TOPBP1: variants seen among roughly 807,000 people sequenced by gnomAD.
TOPBP1 encodes DNA topoisomerase II binding protein 1.
In TOPBP1, 28 loss-of-function variants were observed where a neutral mutation model predicts 167.7. The ratio of observed to expected loss-of-function variants is 0.17; its 90% CI spans 0.12 to 0.23. The LOEUF is 0.23. Ranked by LOEUF, TOPBP1 falls within the 10% of genes least tolerant of loss-of-function variation. TOPBP1 has a pLI of 1.00. For synonymous variants in TOPBP1, 598 were observed against 611.4 expected, an observed-to-expected ratio of 0.98 and a Z score of 0.32; for missense variants, 1,554 against 1,809.6, an observed-to-expected ratio of 0.86 and a Z score of 2.56.
chr3:133,647,407 A>G (rs573382837), intron 10 of TOPBP1, among the ~76,000 whole-genome samples: 73 of 152,360 alleles, frequency 4.8e-4, no homozygotes, highest in African/African-American at 1.4e-3. Flanking sequence ...CAAGTTTCTT[A>G]GAATTCCTAG....
Position 133,649,584 on chromosome 3 carries a change from A to T in TOPBP1, c.1303T>A (p.Tyr435Asn). 6.2e-7 allele frequency: 1 copy of T among 1,613,874 alleles called. No homozygotes were observed. The highest frequency in any genetic ancestry group is 1.1e-5 in the South Asian group (1 of 91,082). Residue 435 changes from tyrosine to asparagine, a missense_variant, in exon 10 of 28, where the codon TAT (tyrosine) becomes AAT (asparagine). By Grantham distance (143) the Tyr-to-Asn change is moderately radical (BLOSUM62 -2). This residue lies in a region of TOPBP1 where 1,197 missense variants were observed against 1,351.5 expected (regional missense o/e 0.89). Coordinates refer to ENST00000260810, the MANE Select transcript of TOPBP1 (RefSeq NM_007027.4). ...ATATATGGTTCTTCAGAAAGCATAT[A>T]ACCTTTACTGAAACACTCTAGCAAC... ...KWLLECFSKG[Y>N]MLSEEPYIHA...
chr3:133,614,286 T>C (rs377482314), intron 23 of TOPBP1, among the ~76,000 whole-genome samples: 1 of 152,170 alleles, frequency 6.6e-6, no homozygotes, highest in Non-Finnish European at 1.5e-5. Flanking sequence ...TTTATGCACA[T>C]GAAAACTGGT....
chr3:133,602,292 T>C (rs997506851), intron 27 of TOPBP1, among the ~76,000 whole-genome samples: 12 of 152,196 alleles, frequency 7.9e-5, no homozygotes, highest in African/African-American at 2.9e-4. Context: ...TAATTCTGTA[T>C]CCTGCAAAAC....
intron 25 of TOPBP1, among the ~76,000 whole-genome samples, chr3:133,610,310 T>C (rs1215039658): frequency 6.6e-6 from 1 of 152,194 alleles, no homozygotes; most frequent in African/African-American, 2.4e-5. Context: ...CAAAGTGATT[T>C]TGGAATATAA....
intron 23 of TOPBP1, among the ~76,000 whole-genome samples, chr3:133,613,436 A>C (rs1427307246): frequency 6.6e-6 from 1 of 152,226 alleles, no homozygotes; most frequent in Non-Finnish European, 1.5e-5. Flanking sequence ...CTTAAGTCTC[A>C]ATTACAAAAG....
chr3:133,605,410 C>T (rs928365249), intron 27 of TOPBP1, among the ~76,000 whole-genome samples: 1 of 152,036 alleles, frequency 6.6e-6, no homozygotes, highest in African/African-American at 2.4e-5. Context: ...AATTTTTACT[C>T]AACTAAATCT....
At chr3:133,609,906 A>C (rs989114931) in intron 25 of TOPBP1, among the ~76,000 whole-genome samples, 1 of 152,208 alleles carries the variant, frequency 6.6e-6, no homozygotes, top group Non-Finnish European at 1.5e-5. Flanking sequence ...GACTACTCTA[A>C]ATAATAGCTG....
At chr3:133,655,749 G>T (rs1347722187) in intron 5 of TOPBP1, among the ~76,000 whole-genome samples, 1 of 152,112 alleles carries the variant, frequency 6.6e-6, no homozygotes, top group Non-Finnish European at 1.5e-5. Flanking sequence ...AGCCCTTGCT[G>T]GTCATAGTAT....
chr3:133,659,459 C>G (rs1011631548), intron 2 of TOPBP1, among the ~76,000 whole-genome samples: 11 of 152,222 alleles, frequency 7.2e-5, no homozygotes, highest in African/African-American at 2.2e-4. Context: ...CAAGACAACA[C>G]AGTCTGGTTT....
chr3:133,618,859 T>C (rs762529459), intron 20 of TOPBP1, among the ~76,000 whole-genome samples: 1 of 152,168 alleles, frequency 6.6e-6, no homozygotes, highest in Non-Finnish European at 1.5e-5. Flanking sequence ...CTTGAAATTA[T>C]AAGCACTATG....
At chr3:133,626,711 T>C (rs955358963) in intron 16 of TOPBP1, among the ~76,000 whole-genome samples, 2 of 152,200 alleles carry the variant, frequency 1.3e-5, no homozygotes, top group Non-Finnish European at 2.9e-5. Flanking sequence ...CATTGTTTTC[T>C]AGTGTAGTCA....
chr3:133,619,301 G>T (rs1935008204), intron 20 of TOPBP1, among the ~76,000 whole-genome samples: 1 of 152,048 alleles, frequency 6.6e-6, no homozygotes, highest in African/African-American at 2.4e-5. Flanking sequence ...AACATGATCT[G>T]AAGCATATTA....
rs925826869 is a variant in TOPBP1 at position 133,658,912 on chromosome 3, A to G, written c.219+104T>C. The G allele has an allele frequency of 6.4e-6, 8 of 1,254,398 alleles. No individual in the cohort carries two copies. The African/African-American group carries it at 1.1e-4, about 17-fold the overall frequency. The allele number at this position is 1,254,398 out of a possible 1,614,324, so 77.7% of individuals were successfully genotyped here. ...AAACCAAAAGAATTCCAATGTACTC[A>G]TAAGTTGCATAGTACTTTATAATCC... On this transcript the variant is annotated intron_variant, in intron 3 of 27. Transcript: ENST00000260810.
intron 23 of TOPBP1, among the ~76,000 whole-genome samples, chr3:133,614,819 G>T (rs1934805782): frequency 7.3e-6 from 1 of 136,554 alleles, no homozygotes; most frequent in Non-Finnish European, 1.6e-5. Flanking sequence ...CCACACCGGG[G>T]CCTGTCCTGG....
At position 133,640,065 on chromosome 3, in the gene TOPBP1, C is replaced by T; in HGVS notation, c.2127G>A (p.Lys709=). ...TAGTAACGGCAGGTAAATTCCACTT[C>T]TTTGCAGCTTCATATTTAGAGCCAC... The part of the protein sequence containing the change: ...ERGGSKYEAA[K]KWNLPAVTIA... The change falls in exon 13 of 28, where the codon AAG becomes AAA. Residue 709 remains lysine (K), a synonymous_variant. Transcript: ENST00000260810. The T allele has an allele frequency of 6.2e-7, 1 of 1,613,914 alleles. No homozygotes were observed. The highest frequency in any genetic ancestry group is 8.5e-7 in the Non-Finnish European group (1 of 1,179,856).
chr3:133,626,120 A>C (rs1935259468), intron 16 of TOPBP1, among the ~76,000 whole-genome samples: 2 of 152,228 alleles, frequency 1.3e-5, no homozygotes, highest in African/African-American at 4.8e-5. Context: ...TTGCAGGCCA[A>C]ACAATCTCTT....
intron 10 of TOPBP1, among the ~76,000 whole-genome samples, chr3:133,647,953 GATA>G (rs1446140865): frequency 2.0e-5 from 3 of 152,126 alleles, no homozygotes; most frequent in Admixed American, 6.5e-5. Flanking sequence ...TATTCAAAGA[GATA>G]ATAAACATTT....
chr3:133,603,088 G>A (rs1254153791), intron 27 of TOPBP1, among the ~76,000 whole-genome samples: 1 of 151,852 alleles, frequency 6.6e-6, no homozygotes, highest in Non-Finnish European at 1.5e-5. Flanking sequence ...TAGAGACACG[G>A]TTTCACCATA....
rs531097327 is a variant in TOPBP1, at chr3:133,638,706, T to C, written c.2234-544A>G. ...GAGAGGTATTCCCAAGCTGCTGATA[T>C]GTCCCTGAAGTTTGCCCATGGATGC... On this transcript the variant is annotated intron_variant, in intron 13 of 27. Transcript: ENST00000260810. 2.0e-5 allele frequency among the ~76,000 whole-genome samples: 3 copies of C among 152,348 alleles called. No individual in the cohort carries two copies. The South Asian group carries it at 6.2e-4, about 32-fold the overall frequency.
Sources: gnomAD v4.1 joint callset for allele counts (sites outside exome capture counted in the v4.1 genomes callset) on GRCh38, gnomAD v4.1.1 for gene constraint, gnomAD v4.1.1 regional missense constraint, MANE v1.5 for transcripts, NCBI Gene and HGNC (gene_info 2026-07-23, HGNC 2026-07-21) for gene names.